The following TTC28 variants were observed in gnomAD, a reference collection of about 807,000 sequenced individuals.
The protein encoded by TTC28 is tetratricopeptide repeat protein 28.
A neutral mutation model predicts 198.0 loss-of-function variants in TTC28; 61 were observed. That is an observed-to-expected ratio of 0.31 (90% CI 0.25 to 0.38). TTC28 has a LOEUF of 0.38. TTC28 is among the 10% of genes least tolerant of loss of function. TTC28 has a pLI of 1.00. For synonymous variants in TTC28, 1,171 were observed against 1,297.8 expected, an observed-to-expected ratio of 0.90 and a Z score of 2.10; for missense variants, 2,678 against 3,164.0, an observed-to-expected ratio of 0.85 and a Z score of 3.69.
At chr22:28,275,849 G>T (rs531633527) in intron 5 of TTC28, among the ~76,000 whole-genome samples, 1 of 152,074 alleles carries the variant, frequency 6.6e-6, no homozygotes, top group Admixed American at 6.6e-5. Context: ...ATGGGCATGT[G>T]GGGTGGGAGC....
At chr22:28,463,269 CT>C (rs901605379) in intron 2 of TTC28, among the ~76,000 whole-genome samples, 24 of 152,284 alleles carry the variant, frequency 1.6e-4, no homozygotes, top group African/African-American at 5.8e-4. Flanking sequence ...AATGCAGGCT[CT>C]TTTTTGGTTC....
chr22:28,085,710 G>A (rs986772828), intron 12 of TTC28, among the ~76,000 whole-genome samples: 7 of 152,020 alleles, frequency 4.6e-5, no homozygotes, highest in African/African-American at 1.7e-4. Flanking sequence ...AAAAGACACA[G>A]ACTGGCAAAT....
chr22:28,143,788 G>A (rs1486105046), intron 6 of TTC28, among the ~76,000 whole-genome samples: 1 of 152,158 alleles, frequency 6.6e-6, no homozygotes, highest in Middle Eastern at 3.2e-3. Flanking sequence ...AAAGGGCTCA[G>A]CAAAAGTTAA....
At chr22:28,578,175 T>C (rs1282490750) in intron 2 of TTC28, among the ~76,000 whole-genome samples, 1 of 152,152 alleles carries the variant, frequency 6.6e-6, no homozygotes, top group African/African-American at 2.4e-5. Context: ...GCAAATAATA[T>C]CTTATAACCC....
intron 12 of TTC28, among the ~76,000 whole-genome samples, chr22:28,053,041 G>A (rs955276222): frequency 6.6e-6 from 1 of 152,234 alleles, no homozygotes; most frequent in African/African-American, 2.4e-5. Context: ...TTTGTTTCTA[G>A]GTTTACAACA....
chr22:28,596,131 G>T (rs2050538346), intron 2 of TTC28, among the ~76,000 whole-genome samples: 1 of 152,304 alleles, frequency 6.6e-6, no homozygotes, highest in Admixed American at 6.5e-5. Context: ...GGTTATATTA[G>T]ATTAGGCAGT....
At chr22:28,459,759 T>C in intron 2 of TTC28, 1 of 152,252 alleles carries the variant, frequency 6.6e-6, no homozygotes, top group Non-Finnish European at 1.5e-5. Flanking sequence ...AGTCAATGCC[T>C]GGCTCTTGCC....
chr22:28,267,875 TA>T (rs1931787190), intron 5 of TTC28, among the ~76,000 whole-genome samples: 1 of 152,232 alleles, frequency 6.6e-6, no homozygotes, highest in South Asian at 2.1e-4. Flanking sequence ...CATTCCAATG[TA>T]ATAGGACAGG....
chr22:28,091,183 G>C (rs1413820990), intron 12 of TTC28, among the ~76,000 whole-genome samples: 1 of 152,190 alleles, frequency 6.6e-6, no homozygotes. Flanking sequence ...AAGGCACCTG[G>C]AAACAGAATT....
intron 2 of TTC28, among the ~76,000 whole-genome samples, chr22:28,588,169 C>CA (rs1194057378): frequency 6.7e-5 from 10 of 150,072 alleles, no homozygotes; most frequent in African/African-American, 2.2e-4. Context: ...AACAAACAAA[C>CA]AAAAAACAAA....
At chr22:28,000,299 T>C (rs1937635976) in intron 15 of TTC28, 1 of 152,254 alleles carries the variant, frequency 6.6e-6, no homozygotes, top group Non-Finnish European at 1.5e-5. Context: ...AGGCAGAAAC[T>C]GACCCCACTT....
intron 1 of TTC28, among the ~76,000 whole-genome samples, chr22:28,657,245 C>T (rs1035434570): frequency 5.9e-5 from 9 of 152,164 alleles, no homozygotes; most frequent in South Asian, 2.1e-4. Flanking sequence ...CCACTACATA[C>T]GCCTCAATGC....
At chr22:28,304,653 A>G (rs1329474687) in intron 3 of TTC28, among the ~76,000 whole-genome samples, 3 of 152,162 alleles carry the variant, frequency 2.0e-5, no homozygotes, top group African/African-American at 7.2e-5. Flanking sequence ...CAGCGCAGGG[A>G]AGATTTCCCT....
rs1942341887 is a variant in TTC28, at chr22:28,107,448, G to A, written c.2397C>T (p.His799=). The change falls in exon 7 of 23, where the codon CAC becomes CAT. Residue 799 remains histidine (H), a synonymous_variant. Transcript: ENST00000397906. ...CAAGGGCCATGTAGACAGCAGCCAG[G>A]TGCCCATGAGCTCTGCACTCCCCTG... The part of the protein sequence containing the change: ...DLPGECRAHG[H]LAAVYMALGK... The A allele has an allele frequency of 6.4e-7, 1 of 1,551,662 alleles. No individual in the cohort carries two copies. The highest frequency in any genetic ancestry group is 8.7e-7 in the Non-Finnish European group (1 of 1,147,002).
intron 2 of TTC28, among the ~76,000 whole-genome samples, chr22:28,490,128 A>G (rs695762): frequency 0.76 from 114,801 of 152,008 alleles, 43,528 homozygotes; most frequent in South Asian, 0.85. Context: ...CCAGATTAAG[A>G]TGGGTCTGCC....
At chr22:28,334,655 G>C (rs1182916196) in intron 2 of TTC28, among the ~76,000 whole-genome samples, 1 of 152,142 alleles carries the variant, frequency 6.6e-6, no homozygotes, top group Non-Finnish European at 1.5e-5. Context: ...GTCTTCTTTG[G>C]AGAAGTGTCT....
Position 28,179,164 on chromosome 22 carries a change from T to G in TTC28, c.934-15565A>C, listed in dbSNP as rs1415672370. ...TACTTAGTTTTTTGTTTTTTTGTTT[T>G]GTTTTTTTTTTTTTGACAGAGTCTT... On this transcript the variant is annotated intron_variant, in intron 5 of 22. Transcript: ENST00000397906. Among the ~76,000 whole-genome samples the G allele has an allele frequency of 7.5e-5, 11 of 146,138 alleles. No individual in the cohort carries two copies. The East Asian group carries it at 1.9e-3, about 26-fold the overall frequency.
chr22:28,466,996 C>A (rs1168673812), intron 2 of TTC28, among the ~76,000 whole-genome samples: 4 of 152,076 alleles, frequency 2.6e-5, no homozygotes, highest in Non-Finnish European at 5.9e-5. Flanking sequence ...AGAATTAGAA[C>A]CCCCATCCAA....
At chr22:28,105,892 C>G in intron 7 of TTC28, 90 bp from the exon 8 acceptor site, 1 of 1,398,580 alleles carries the variant, frequency 7.2e-7, no homozygotes, top group Non-Finnish European at 9.4e-7. Flanking sequence ...GCATTTGTCA[C>G]TGTCACTTAC....
Sources: allele counts gnomAD v4.1 joint callset (sites outside exome capture counted in the v4.1 genomes callset), GRCh38; gene constraint gnomAD v4.1.1; transcripts MANE v1.5; gene names NCBI Gene and HGNC (gene_info 2026-07-23, HGNC 2026-07-21).